Variants in FILIP1 observed in about 807,000 individuals in gnomAD.
FILIP1 encodes the protein filamin-A-interacting protein 1.
In FILIP1, 61 loss-of-function variants were observed where a neutral mutation model predicts 102.1. The ratio of observed to expected loss-of-function variants is 0.60; its 90% CI spans 0.49 to 0.74. The LOEUF is 0.74. FILIP1 is among the 30% of genes least tolerant of loss of function. The pLI is 0.00. For missense variants in FILIP1, 1,314 were observed against 1,441.2 expected (o/e 0.91, Z 1.43); for synonymous variants, 491 against 526.9 (o/e 0.93, Z 0.93).
In FILIP1 at chr6:75,368,073, T is replaced by A. The variant is rs955158079; in HGVS notation, c.277-5156A>T. Among the ~76,000 whole-genome samples the A allele has an allele frequency of 2.6e-4, 39 of 152,200 alleles. 1 individual carries two copies. The highest frequency in any genetic ancestry group is 2.2e-3 in the Admixed American group (33 of 15,280). ...TGATGATAGAGAACAAATATGAGAT[T>A]ACAGCAGAGAAACAGACACAGCTGT... is the stretch of plus-strand genomic sequence containing the variant. On this transcript the variant is annotated intron_variant, in intron 2 of 5. Coordinates refer to ENST00000237172, the MANE Select transcript of FILIP1 (RefSeq NM_015687.5).
At chr6:75,369,630 T>C (rs1314441178) in intron 2 of FILIP1, among the ~76,000 whole-genome samples, 1 of 152,134 alleles carries the variant, frequency 6.6e-6, no homozygotes, top group Non-Finnish European at 1.5e-5. Flanking sequence ...GTTCTTATGC[T>C]CCTATGACAG....
Position 75,326,099 on chromosome 6 carries a change from A to AT in FILIP1, c.630-10898dup, listed in dbSNP as rs113861749. On this transcript the variant is annotated intron_variant, in intron 4 of 5. Coordinates refer to ENST00000237172, the MANE Select transcript of FILIP1 (RefSeq NM_015687.5). ...ATAGATAGATAGATAGATAGATTAG[A>AT]TAGATAGATAGAGAGATAGATAGAT... Among the ~76,000 whole-genome samples, 291 of 149,954 alleles carry AT rather than the reference A, an allele frequency of 1.9e-3. 1 individual carries two copies. Among genetic ancestry groups the AT allele is most frequent in the African/African-American group, 6.7e-3 (270 of 40,264 alleles).
chr6:75,432,966 T>C lies in FILIP1; in HGVS notation c.-6-17988A>G, dbSNP rs1433638649. On this transcript the variant is annotated intron_variant, in intron 1 of 5. Coordinates refer to ENST00000237172, the MANE Select transcript of FILIP1 (RefSeq NM_015687.5). Reference sequence around the variant, plus strand: ...CCTTGTGATAGTTTGCTCCAAATGATGGTTTCCAGCTTCATCCATGTCCCT... The same window carrying C: ...CCTTGTGATAGTTTGCTCCAAATGACGGTTTCCAGCTTCATCCATGTCCCT... Among the ~76,000 whole-genome samples, 4 of 152,320 alleles carry C rather than the reference T, an allele frequency of 2.6e-5. No individual in the cohort carries two copies. In the East Asian group the frequency reaches 5.8e-4, roughly 22 times the overall value.
At chr6:75,472,841 A>G (rs1234278500) in intron 1 of FILIP1, among the ~76,000 whole-genome samples, 1 of 152,190 alleles carries the variant, frequency 6.6e-6, no homozygotes, top group Non-Finnish European at 1.5e-5. Flanking sequence ...CAACACATAT[A>G]TTAGTCACAG....
intron 1 of FILIP1, among the ~76,000 whole-genome samples, chr6:75,440,010 T>C (rs1778156129): frequency 6.6e-6 from 1 of 152,240 alleles, no homozygotes; most frequent in South Asian, 2.1e-4. Context: ...ATTATTGCTA[T>C]GATGGTTTGC....
chr6:75,431,613 A>G (rs1334904550), intron 1 of FILIP1, among the ~76,000 whole-genome samples: 1 of 152,170 alleles, frequency 6.6e-6, no homozygotes, highest in Non-Finnish European at 1.5e-5. Flanking sequence ...GTGGCCAAGG[A>G]CAGAGATTTG....
chr6:75,319,043 C>T (rs1773545522), intron 4 of FILIP1: 1 of 708,244 alleles, frequency 1.4e-6, no homozygotes, highest in Admixed American at 2.0e-5. Context: ...TCATCATCGT[C>T]ATCTTCTTCA....
intron 1 of FILIP1, among the ~76,000 whole-genome samples, chr6:75,421,345 T>C (rs976201991): frequency 4.6e-5 from 7 of 152,160 alleles, no homozygotes; most frequent in Admixed American, 1.3e-4. Context: ...GCAAATTGTT[T>C]GAATTTTCCC....
chr6:75,483,489 A>C (rs1360173344), intron 1 of FILIP1, among the ~76,000 whole-genome samples: 1 of 152,226 alleles, frequency 6.6e-6, no homozygotes, highest in African/African-American at 2.4e-5. Flanking sequence ...GGTAAAGTAC[A>C]TGTGCCCAAA....
At chr6:75,303,148 G>T (rs2149535931), downstream of FILIP1, among the ~76,000 whole-genome samples, 1 of 152,282 alleles carries the variant, frequency 6.6e-6, no homozygotes, top group Admixed American at 6.5e-5. Flanking sequence ...TTGGGAGACT[G>T]AATGGGTTAG....
Position 75,492,651 on chromosome 6 carries a change from T to C in FILIP1, c.-7+763A>G, listed in dbSNP as rs566129896. On this transcript the variant is annotated intron_variant, in intron 1 of 5. Transcript: ENST00000237172. ...TGAAAGGAGGATTTCCTTTACACTA[T>C]AGTAAACACATTCATACACACACAC... Among the ~76,000 whole-genome samples the C allele has an allele frequency of 3.3e-5, 5 of 152,344 alleles. No homozygotes were observed. In the South Asian group the frequency reaches 8.3e-4, roughly 25 times the overall value.
intron 4 of FILIP1, among the ~76,000 whole-genome samples, chr6:75,347,321 G>C (rs1352611571): frequency 6.6e-6 from 1 of 152,202 alleles, no homozygotes. Context: ...GATTAAACAA[G>C]ATGGTACATG....
intron 4 of FILIP1, among the ~76,000 whole-genome samples, chr6:75,326,166 C>A (rs947329745): frequency 6.6e-6 from 1 of 151,550 alleles, no homozygotes; most frequent in Non-Finnish European, 1.5e-5. Flanking sequence ...TACTACTCAG[C>A]CATAAAAAGG....
Position 75,315,009 on chromosome 6 carries a change from G to T in FILIP1, c.823C>A (p.Leu275Met), listed in dbSNP as rs768131815. ...SQKVQDLTQKLREEEEKLKAI... is the reference protein window; with the variant it reads ...SQKVQDLTQKMREEEEKLKAI... ...TTGAGCTTCTCTTCTTCTTCCCTCA[G>T]CTTCTGAGTAAGATCCTGTACTTTC... Residue 275 changes from leucine (L) to methionine (M), a missense_variant, in exon 5 of 6, where the codon CTG becomes ATG. Physicochemically the swap from Leu to Met is conservative, Grantham distance 15. Around this residue, in one of 3 missense-constraint regions of FILIP1, gnomAD observed 494 missense variants for 511.2 expected, o/e 0.97. Transcript: ENST00000237172. 3.3e-5 allele frequency: 54 copies of T among 1,613,752 alleles called. No homozygotes were observed. Among genetic ancestry groups the T allele is most frequent in the Non-Finnish European group, 4.3e-5 (51 of 1,179,972 alleles).
At chr6:75,424,384 A>G (rs914507465) in intron 1 of FILIP1, among the ~76,000 whole-genome samples, 5 of 152,284 alleles carry the variant, frequency 3.3e-5, no homozygotes, top group Admixed American at 3.3e-4. Flanking sequence ...TCTTTCTTCT[A>G]AGACCACATT....
At chr6:75,400,296 T>C (rs1402747569) in intron 2 of FILIP1, among the ~76,000 whole-genome samples, 1 of 152,174 alleles carries the variant, frequency 6.6e-6, no homozygotes, top group Non-Finnish European at 1.5e-5. Context: ...GAAAACCCAG[T>C]TTATACTTGC....
At chr6:75,320,769 C>T (rs1403557260) in intron 4 of FILIP1, among the ~76,000 whole-genome samples, 1 of 152,094 alleles carries the variant, frequency 6.6e-6, no homozygotes, top group African/African-American at 2.4e-5. Context: ...CAATGGCCTC[C>T]CTTGAAGAAC....
At chr6:75,452,841 T>C (rs773578444) in intron 1 of FILIP1, among the ~76,000 whole-genome samples, 8 of 152,228 alleles carry the variant, frequency 5.3e-5, no homozygotes, top group Non-Finnish European at 1.2e-4. Context: ...ATAGTGACAA[T>C]GTACTCCTTT....
chr6:75,372,755 AAAGAAAGAAAG>A (rs1485150389), intron 2 of FILIP1, among the ~76,000 whole-genome samples: 4 of 65,040 alleles, frequency 6.2e-5, no homozygotes, highest in Non-Finnish European at 9.6e-5. Flanking sequence ...AGAAAGAAAG[AAAGAAAGAAAG>A]AAAGAAAGAA....
Sources: allele counts gnomAD v4.1 joint callset (sites outside exome capture counted in the v4.1 genomes callset), GRCh38; gene constraint gnomAD v4.1.1; regional missense constraint gnomAD v4.1.1; transcripts MANE v1.5; gene names NCBI Gene and HGNC (gene_info 2026-07-23, HGNC 2026-07-21).